The following QSOX1 variants were observed in gnomAD, a reference collection of about 807,000 sequenced individuals.
QSOX1 encodes the protein sulfhydryl oxidase 1.
In QSOX1, 40 loss-of-function variants were observed where a neutral mutation model predicts 76.1. The observed-to-expected ratio is 0.53, with a 90% CI of 0.41 to 0.68. QSOX1 has a LOEUF of 0.68. Among genes scored for constraint, QSOX1 ranks in the 30% least tolerant of loss-of-function variants. The probability of loss-of-function intolerance (pLI) is 0.00; values close to 1 mark genes in which losing one functional copy is unlikely to be tolerated. For missense variants in QSOX1, 931 were observed against 974.3 expected, an observed-to-expected ratio of 0.96 and a Z score of 0.59; for synonymous variants, 392 against 413.1, an observed-to-expected ratio of 0.95 and a Z score of 0.62.
chr1:180,163,898 A>G (rs1339655259), intron 1 of QSOX1, among the ~76,000 whole-genome samples: 1 of 152,190 alleles, frequency 6.6e-6, no homozygotes, highest in East Asian at 1.9e-4. Flanking sequence ...GAGAAATAAT[A>G]TGTTGATGTT....
In QSOX1 at chr1:180,198,372, G is replaced by C. The variant is rs969753485; in HGVS notation, c.*1335G>C. The C allele has an allele frequency of 1.1e-5, 5 of 456,630 alleles. No individual in the cohort carries two copies. Among genetic ancestry groups the C allele is most frequent in the African/African-American group, 6.0e-5 (3 of 50,100 alleles). The allele number at this position is 456,630 out of a possible 1,614,324, so 28.3% of individuals were successfully genotyped here. A position where few individuals can be genotyped will look rare whatever the true frequency, so the allele number is the denominator to read the frequency against. On this transcript the variant is annotated 3_prime_UTR_variant, in exon 12 of 12. Transcript: ENST00000367602. ...AAGGGCTTGTTTGTCAGAGCTGCAGGGTTGGCCACTCGGTGGGGAGGAGTC... is the reference window on the plus strand; with the variant it reads ...AAGGGCTTGTTTGTCAGAGCTGCAGCGTTGGCCACTCGGTGGGGAGGAGTC...
rs1254953534 is a variant in QSOX1, at chr1:180,183,916, G to C, written c.753G>C (p.Val251=). The change falls in exon 7 of 12, where the codon GTG becomes GTC. Residue 251 remains valine, a splice_region_variant and synonymous_variant. Transcript: ENST00000367602. The part of the protein sequence containing the change: ...FRNGSVSRVP[V]LMESRSFYTA... ...CCTCCCTGGTTCTGTGCCCTCACAG[G>C]CTCATGGAATCCAGGTCCTTCTATA... 5.6e-6 allele frequency: 9 copies of C among 1,613,142 alleles called. No individual in the cohort carries two copies. Among genetic ancestry groups the C allele is most frequent in the Non-Finnish European group, 6.8e-6 (8 of 1,179,302 alleles).
At chr1:180,180,785 A>G (rs1387157062) in intron 5 of QSOX1, among the ~76,000 whole-genome samples, 4 of 152,108 alleles carry the variant, frequency 2.6e-5, no homozygotes, top group Non-Finnish European at 5.9e-5. Context: ...AAAATGCTGG[A>G]ATTACAGGTG....
At chr1:180,178,227 G>A (rs575815649) in intron 4 of QSOX1, among the ~76,000 whole-genome samples, 7 of 152,140 alleles carry the variant, frequency 4.6e-5, no homozygotes, top group South Asian at 2.1e-4. Context: ...ACCCACTTCC[G>A]ACTCTTTTTG....
At chr1:180,190,311 C>A in intron 9 of QSOX1, 122 bp from the exon 10 acceptor site, 1 of 1,149,550 alleles carries the variant, frequency 8.7e-7, no homozygotes, top group Non-Finnish European at 1.3e-6. Context: ...GGAAATGCCA[C>A]CTTCGAGGTG....
rs994755643 is a variant in QSOX1, at chr1:180,198,508, T to C, written c.*1471T>C. The C allele has an allele frequency of 1.4e-5, 6 of 416,996 alleles. No individual in the cohort carries two copies. The highest frequency in any genetic ancestry group is 3.5e-4 in the Middle Eastern group (1 of 2,894). The allele number at this position is 416,996 out of a possible 1,614,324, so 25.8% of individuals were successfully genotyped here. Reference sequence around the variant, plus strand: ...GAGCAGGAGCCTCAATCCGATTTGGTTTTCTCTTTGACATCTTCACTCTGC... The same window carrying C: ...GAGCAGGAGCCTCAATCCGATTTGGCTTTCTCTTTGACATCTTCACTCTGC... On this transcript the variant is annotated 3_prime_UTR_variant, in exon 12 of 12. Coordinates refer to ENST00000367602, the MANE Select transcript of QSOX1 (RefSeq NM_002826.5).
At position 180,195,006 on chromosome 1, in the gene QSOX1, A is replaced by G. The variant is rs1452414189; in HGVS notation, c.1468+614A>G. Among the ~76,000 whole-genome samples the G allele has an allele frequency of 2.4e-3, 338 of 141,370 alleles. 2 individuals carry two copies. The highest frequency in any genetic ancestry group is 6.8e-3 in the South Asian group (28 of 4,134). The allele number at this position is 141,370 out of a possible 152,430, so 92.7% of individuals were successfully genotyped here. A position where few individuals can be genotyped will look rare whatever the true frequency, so the allele number is the denominator to read the frequency against. Reference sequence around the variant, plus strand: ...GCTGTGACAGCCTCCCGGGGGGGGGAGACCAGGGCGGAGCCGAGGTTAAAG... The same window carrying G: ...GCTGTGACAGCCTCCCGGGGGGGGGGGACCAGGGCGGAGCCGAGGTTAAAG... On this transcript the variant is annotated intron_variant, in intron 11 of 11. Coordinates refer to ENST00000367602, the MANE Select transcript of QSOX1 (RefSeq NM_002826.5).
chr1:180,177,510 C>T (rs1340298991), intron 4 of QSOX1, among the ~76,000 whole-genome samples: 2 of 152,222 alleles, frequency 1.3e-5, no homozygotes, highest in Non-Finnish European at 2.9e-5. Context: ...CTGCCTTGGC[C>T]TCCCAAAGTA....
chr1:180,186,238 G>A (rs532478331), intron 8 of QSOX1, 56 bp downstream of exon 8: 62 of 1,441,238 alleles, frequency 4.3e-5, no homozygotes, highest in East Asian at 2.6e-4. Context: ...GTCAGTGTGC[G>A]TTCCTGTAAG....
At chr1:180,162,326 CT>C (rs1419549250) in intron 1 of QSOX1, among the ~76,000 whole-genome samples, 4 of 152,198 alleles carry the variant, frequency 2.6e-5, no homozygotes, top group Admixed American at 2.6e-4. Flanking sequence ...TTTGCAGAAT[CT>C]TTGAGATGTT....
At chr1:180,185,973 C>T (rs1663159667) in intron 7 of QSOX1, 80 bp from the exon 8 acceptor site, 3 of 1,533,180 alleles carry the variant, frequency 2.0e-6, no homozygotes, top group Admixed American at 1.7e-5. Flanking sequence ...TCTTCTCTCC[C>T]TTTAGCCCTG....
At chr1:180,164,994 C>T (rs911741184) in intron 1 of QSOX1, among the ~76,000 whole-genome samples, 2 of 152,128 alleles carry the variant, frequency 1.3e-5, no homozygotes, top group African/African-American at 2.4e-5. Context: ...AGAACTCACT[C>T]GTTATCAAGG....
chr1:180,155,122 A>ATT lies in QSOX1; in HGVS notation c.215_216insTT (p.Cys73SerfsTer50). 6.6e-7 allele frequency: 1 copy of ATT among 1,522,382 alleles called. No individual in the cohort carries two copies. Among genetic ancestry groups the ATT allele is most frequent in the Non-Finnish European group, 8.8e-7 (1 of 1,139,700 alleles). 94.3% of individuals were successfully genotyped at this position (1,522,382 alleles called of 1,614,324 possible). A position where few individuals can be genotyped will look rare whatever the true frequency, so the allele number is the denominator to read the frequency against. On this transcript the variant is annotated frameshift_variant, in exon 1 of 12. Transcript: ENST00000367602. LOFTEE classifies it high-confidence loss of function. The stretch of plus-strand genomic sequence containing the variant: ...GAGTTCTTCGCCTCCTGGTGCGGCC[A>ATT]CTGCATCGCCTTCGCCCCGACGTGG...
At chr1:180,176,520 T>C (rs924880429) in intron 4 of QSOX1, among the ~76,000 whole-genome samples, 9 of 152,060 alleles carry the variant, frequency 5.9e-5, no homozygotes, top group African/African-American at 2.2e-4. Flanking sequence ...GGCATGGGGG[T>C]GGCCCCTGGC....
Position 180,176,018 on chromosome 1 carries a change from C to T in QSOX1, c.500C>T (p.Pro167Leu). ...HHDTWPPACP[P>L]LEPAKLEEID... ...GACACGTGGCCCCCAGCCTGTCCCC[C>T]ACTGGAGCCTGCCAAGTACTTTGGG... The change falls in exon 4 of 12, where the codon CCA becomes CTA. Residue 167 changes from proline to leucine, a missense_variant. Pro to Leu is a moderately conservative substitution (Grantham distance 98). Transcript: ENST00000367602. 3 of 1,596,188 alleles carry T rather than the reference C, an allele frequency of 1.9e-6. No homozygotes were observed. Among genetic ancestry groups the T allele is most frequent in the Admixed American group, 1.8e-5 (1 of 56,974 alleles).
intron 2 of QSOX1, among the ~76,000 whole-genome samples, chr1:180,173,914 G>C (rs1036958717): frequency 3.9e-5 from 6 of 152,200 alleles, no homozygotes; most frequent in African/African-American, 1.4e-4. Flanking sequence ...GAACACAAAG[G>C]TTCGGAGCAG....
chr1:180,190,417 C>T lies in QSOX1; in HGVS notation c.1141-16C>T, dbSNP rs529448974. 1.9e-6 allele frequency: 3 copies of T among 1,609,526 alleles called. No individual in the cohort carries two copies. Among genetic ancestry groups the T allele is most frequent in the African/African-American group, 2.7e-5 (2 of 74,962 alleles). ...TTCCTTCTCCATATGTGCACTCACA[C>T]TCATGTGTCCCTCAGGGTGCCGTTC... On this transcript the variant is annotated splice_polypyrimidine_tract_variant and intron_variant, in intron 9 of 11. Coordinates refer to ENST00000367602, the MANE Select transcript of QSOX1 (RefSeq NM_002826.5).
At chr1:180,164,606 G>C (rs1269534147) in intron 1 of QSOX1, among the ~76,000 whole-genome samples, 1 of 152,214 alleles carries the variant, frequency 6.6e-6, no homozygotes, top group Non-Finnish European at 1.5e-5. Flanking sequence ...GGATGCGTCA[G>C]GGTGTGCCAG....
In QSOX1 at chr1:180,194,273, G is replaced by A. The variant is rs766153769; in HGVS notation, c.1349G>A (p.Arg450Gln). The change falls in exon 11 of 12, where the codon CGA (arginine) becomes CAA (glutamine). Residue 450 changes from arginine (R) to glutamine (Q), a missense_variant. Transcript: ENST00000367602. ...TACGTGCACTACTTCTTCGGCTGCCGAGACTGCGCTAGCCACTTCGAGCAG... is the reference window on the plus strand; with the variant it reads ...TACGTGCACTACTTCTTCGGCTGCCAAGACTGCGCTAGCCACTTCGAGCAG... ...RGYVHYFFGC[R>Q]DCASHFEQMA... The A allele has an allele frequency of 4.4e-5, 71 of 1,613,092 alleles. No homozygotes were observed. The highest frequency in any genetic ancestry group is 2.0e-4 in the South Asian group (18 of 91,006).
Sources: gnomAD v4.1 joint callset for allele counts (sites outside exome capture counted in the v4.1 genomes callset) on GRCh38, gnomAD v4.1.1 for gene constraint, MANE v1.5 for transcripts, NCBI Gene and HGNC (gene_info 2026-07-23, HGNC 2026-07-21) for gene names.